Variants in CHSY1 observed in about 807,000 individuals in gnomAD.
CHSY1 encodes N-acetylgalactosaminyl-proteoglycan 3-beta-glucuronosyltransferase 1.
Under a neutral mutation model 59.8 loss-of-function variants are expected in CHSY1, and 13 were observed. That is an observed-to-expected ratio of 0.22 (90% confidence interval 0.14 to 0.35). The LOEUF (loss-of-function observed/expected upper bound fraction) is 0.35. Ranked by LOEUF, CHSY1 falls within the 10% of genes least tolerant of loss-of-function variation. The probability of loss-of-function intolerance (pLI) is 1.00; values close to 1 mark genes in which losing one functional copy is unlikely to be tolerated. For synonymous variants in CHSY1, 459 were observed against 401.2 expected (o/e 1.14, Z -1.72); for missense variants, 947 against 1,030.6 (o/e 0.92, Z 1.11).
At position 101,251,872 on chromosome 15, in the gene CHSY1, C is replaced by T. The variant is rs1596459482; in HGVS notation, c.-416G>A. 1 of 150,390 alleles carries T rather than the reference C, an allele frequency of 6.6e-6. No individual in the cohort carries two copies. Among genetic ancestry groups the T allele is most frequent in the South Asian group, 2.1e-4 (1 of 4,812 alleles). The allele number at this position is 150,390 out of a possible 1,614,324, so 9.3% of individuals were successfully genotyped here. On this transcript the variant is annotated 5_prime_UTR_variant, in exon 1 of 3. Coordinates refer to ENST00000254190, the MANE Select transcript of CHSY1 (RefSeq NM_014918.5). Reference sequence around the variant, plus strand: ...TGGGCTCGGTTCGCACGGCGCCTGTCCCCGTCCTCTTCGTAGCCGGCGCCG... The same window carrying T: ...TGGGCTCGGTTCGCACGGCGCCTGTTCCCGTCCTCTTCGTAGCCGGCGCCG...
chr15:101,199,232 A>G lies in CHSY1; in HGVS notation c.817-20252T>C, dbSNP rs371716395. 2.2e-3 allele frequency among the ~76,000 whole-genome samples: 334 copies of G among 152,312 alleles called. 2 individuals carry two copies. Among genetic ancestry groups the G allele is most frequent in the African/African-American group, 7.8e-3 (324 of 41,564 alleles). On this transcript the variant is annotated intron_variant, in intron 2 of 2. Coordinates refer to ENST00000254190, the MANE Select transcript of CHSY1 (RefSeq NM_014918.5). Reference sequence around the variant, plus strand: ...AAAAAACATCACTGCGGCCGGGCGCAGTGGCTCATGCCTGTAATCCCTGCA... The same window carrying G: ...AAAAAACATCACTGCGGCCGGGCGCGGTGGCTCATGCCTGTAATCCCTGCA...
chr15:101,179,000 A>G lies in CHSY1; in HGVS notation c.817-20T>C. 5 of 1,612,240 alleles carry G rather than the reference A, an allele frequency of 3.1e-6. No individual in the cohort carries two copies. Among genetic ancestry groups the G allele is most frequent in the East Asian group, 4.5e-5 (2 of 44,864 alleles). On this transcript the variant is annotated intron_variant, in intron 2 of 2. Coordinates refer to ENST00000254190, the MANE Select transcript of CHSY1 (RefSeq NM_014918.5). Reference sequence around the variant, plus strand: ...CTGCATCTGTTACAGGAAAAAAAAGAGATCACAAATTTAGTATTGTATGAT... The same window carrying G: ...CTGCATCTGTTACAGGAAAAAAAAGGGATCACAAATTTAGTATTGTATGAT...
intron 2 of CHSY1, among the ~76,000 whole-genome samples, chr15:101,217,855 A>G (rs184499725): frequency 4.6e-5 from 7 of 152,344 alleles, no homozygotes; most frequent in South Asian, 2.1e-4. Flanking sequence ...TGTGAGCTGC[A>G]TATTAGTGAC....
In CHSY1 at chr15:101,184,944, C is replaced by T. The variant is rs551626148; in HGVS notation, c.817-5964G>A. On this transcript the variant is annotated intron_variant, in intron 2 of 2. Coordinates refer to ENST00000254190, the MANE Select transcript of CHSY1 (RefSeq NM_014918.5). ...TGATCTTTAAAAAAATCTAAACTCACGTCAAGGAAATAGCTCTCCCTTTCT... is the reference window on the plus strand; with the variant it reads ...TGATCTTTAAAAAAATCTAAACTCATGTCAAGGAAATAGCTCTCCCTTTCT... 5.3e-5 allele frequency among the ~76,000 whole-genome samples: 8 copies of T among 152,322 alleles called. No homozygotes were observed. In the South Asian group the frequency reaches 1.5e-3, roughly 28 times the overall value.
chr15:101,230,708 A>C (rs1234113865), intron 2 of CHSY1, among the ~76,000 whole-genome samples: 1 of 152,188 alleles, frequency 6.6e-6, no homozygotes, highest in Non-Finnish European at 1.5e-5. Flanking sequence ...TCCCTTGATG[A>C]TATATGCCTC....
chr15:101,210,866 C>T (rs971163327), intron 2 of CHSY1, among the ~76,000 whole-genome samples: 9 of 152,044 alleles, frequency 5.9e-5, no homozygotes, highest in African/African-American at 1.4e-4. Flanking sequence ...CCAAGAAAAA[C>T]AGACAAGAGA....
chr15:101,177,300 G>GTA lies in CHSY1; in HGVS notation c.*86_*87dup. ...AAAACCACTTGTAAAATATATCCTT[G>GTA]TATACGGACTTCAAAAACTGATCAT... On this transcript the variant is annotated 3_prime_UTR_variant, in exon 3 of 3. Transcript: ENST00000254190. The GTA allele has an allele frequency of 8.0e-7, 1 of 1,251,188 alleles. No individual in the cohort carries two copies. The highest frequency in any genetic ancestry group is 1.1e-6 in the Non-Finnish European group (1 of 893,738). The allele number at this position is 1,251,188 out of a possible 1,614,324, so 77.5% of individuals were successfully genotyped here.
chr15:101,186,147 C>CAAA (rs35398576), intron 2 of CHSY1, among the ~76,000 whole-genome samples: 31 of 79,570 alleles, frequency 3.9e-4, no homozygotes, highest in African/African-American at 1.2e-3. Flanking sequence ...TTGTCTCTAC[C>CAAA]AAAAAAAAAA....
chr15:101,249,160 T>C (rs1021828098), intron 1 of CHSY1, among the ~76,000 whole-genome samples: 2 of 151,956 alleles, frequency 1.3e-5, no homozygotes, highest in Non-Finnish European at 2.9e-5. Context: ...TTTGAATATA[T>C]TGATACCGTA....
chr15:101,238,447 T>A (rs184686524), intron 1 of CHSY1, among the ~76,000 whole-genome samples: 2 of 152,374 alleles, frequency 1.3e-5, no homozygotes, highest in African/African-American at 4.8e-5. Context: ...GGAATTCGAC[T>A]TTCTGCCAAC....
At chr15:101,212,312 A>G (rs1162938992) in intron 2 of CHSY1, among the ~76,000 whole-genome samples, 1 of 152,250 alleles carries the variant, frequency 6.6e-6, no homozygotes, top group African/African-American at 2.4e-5. Flanking sequence ...TTCCACTTCT[A>G]GGTATTTATT....
intron 2 of CHSY1, among the ~76,000 whole-genome samples, chr15:101,216,243 C>T (rs1007660341): frequency 1.3e-5 from 2 of 152,174 alleles, no homozygotes; most frequent in Non-Finnish European, 2.9e-5. Context: ...ACTGATAACA[C>T]CCAGTCCTGG....
intron 2 of CHSY1, among the ~76,000 whole-genome samples, chr15:101,185,491 C>T (rs544688780): frequency 7.1e-6 from 1 of 141,028 alleles, no homozygotes; most frequent in Non-Finnish European, 1.6e-5. Flanking sequence ...TCCCTGTGAA[C>T]GCCCTCCATG....
intron 2 of CHSY1, among the ~76,000 whole-genome samples, chr15:101,213,514 G>C (rs1292930042): frequency 6.6e-6 from 1 of 152,170 alleles, no homozygotes; most frequent in African/African-American, 2.4e-5. Context: ...AAAGTAAACA[G>C]ACTGAATATT....
At chr15:101,208,531 G>C (rs937787234) in intron 2 of CHSY1, among the ~76,000 whole-genome samples, 1 of 152,110 alleles carries the variant, frequency 6.6e-6, no homozygotes, top group Admixed American at 6.6e-5. Flanking sequence ...TGACCAACAT[G>C]GTGAAACCCC....
At chr15:101,184,315 A>G (rs1429055181) in intron 2 of CHSY1, among the ~76,000 whole-genome samples, 1 of 152,234 alleles carries the variant, frequency 6.6e-6, no homozygotes, top group Non-Finnish European at 1.5e-5. Flanking sequence ...AACTACAGTG[A>G]AAGTTGCTGT....
chr15:101,239,821 G>C (rs767600495), intron 1 of CHSY1, among the ~76,000 whole-genome samples: 2 of 151,670 alleles, frequency 1.3e-5, no homozygotes, highest in African/African-American at 2.4e-5. Flanking sequence ...TTTCGCGGTA[G>C]AGCACGAGAA....
Position 101,177,826 on chromosome 15 carries a change from T to C in CHSY1, c.1971A>G (p.Pro657=), listed in dbSNP as rs372896966. ...TTGGGTCATACTGGCTGAAGATGAT[T>C]GGAAAATATATTTGTTGGCCCAGAA... The part of the protein sequence containing the change: ...NTVLGQQIYF[P]IIFSQYDPKI... The change falls in exon 3 of 3, where the codon CCA becomes CCG. Residue 657 remains proline, a synonymous_variant. Transcript: ENST00000254190. The C allele has an allele frequency of 6.2e-7, 1 of 1,614,106 alleles. No homozygotes were observed. Among genetic ancestry groups the C allele is most frequent in the African/African-American group, 1.3e-5 (1 of 74,928 alleles).
At chr15:101,195,206 A>C (rs2038491809) in intron 2 of CHSY1, among the ~76,000 whole-genome samples, 1 of 152,248 alleles carries the variant, frequency 6.6e-6, no homozygotes, top group Non-Finnish European at 1.5e-5. Flanking sequence ...ATTCCTTCTA[A>C]TGCAACATAT....
Sources: gnomAD v4.1 joint callset for allele counts (sites outside exome capture counted in the v4.1 genomes callset) on GRCh38, gnomAD v4.1.1 for gene constraint, MANE v1.5 for transcripts, NCBI Gene and HGNC (gene_info 2026-07-23, HGNC 2026-07-21) for gene names.